The following SOX5 variants were observed in gnomAD, a reference collection of about 807,000 sequenced individuals.
SOX5 encodes the protein SRY-box transcription factor 5.
SOX5 carries 9 observed loss-of-function variants against 92.0 expected under a neutral mutation model. That is an observed-to-expected ratio of 0.10 (90% CI 0.06 to 0.17). The LOEUF (loss-of-function observed/expected upper bound fraction) is 0.17. Among genes scored for constraint, SOX5 ranks in the 10% least tolerant of loss-of-function variants. SOX5 has a pLI of 1.00. For missense variants in SOX5, 642 were observed against 944.5 expected, an observed-to-expected ratio of 0.68 and a Z score of 4.20; for synonymous variants, 344 against 336.3, an observed-to-expected ratio of 1.02 and a Z score of -0.25.
chr12:24,139,284 C>T (rs1176907798), intron 4 of SOX5, among the ~76,000 whole-genome samples: 2 of 152,118 alleles, frequency 1.3e-5, no homozygotes, highest in East Asian at 3.8e-4. Flanking sequence ...AACACGAGCC[C>T]GGCTGTAATG....
rs145737021 is a variant in SOX5 at position 24,349,155 on chromosome 12, C to T, written c.-174+19408G>A. Among the ~76,000 whole-genome samples the T allele has an allele frequency of 6.9e-3, 1,044 of 152,274 alleles. 9 individuals are homozygous for T. Among genetic ancestry groups the T allele is most frequent in the Non-Finnish European group, 0.01 (705 of 68,022 alleles). The stretch of plus-strand genomic sequence containing the variant: ...AGATATTTCGCTCCTTGGCTTTTGA[C>T]GGAGCTGGCTTCTCAGCATGGTTCA... On this transcript the variant is annotated intron_variant, in intron 2 of 4. Coordinates refer to the SOX5 transcript ENST00000446891.
intron 1 of SOX5, among the ~76,000 whole-genome samples, chr12:24,519,355 A>C (rs1179015583): frequency 6.6e-6 from 1 of 152,148 alleles, no homozygotes; most frequent in African/African-American, 2.4e-5. Context: ...TAAATTCAAA[A>C]TAGTAAGGGA....
chr12:24,119,960 C>T (rs866141478), intron 4 of SOX5, among the ~76,000 whole-genome samples: 4 of 152,116 alleles, frequency 2.6e-5, no homozygotes, highest in African/African-American at 7.2e-5. Context: ...GCACTCATTG[C>T]GATGGTTGTT....
At chr12:24,104,933 G>T (rs1946508310) in intron 4 of SOX5, among the ~76,000 whole-genome samples, 1 of 152,162 alleles carries the variant, frequency 6.6e-6, no homozygotes. Flanking sequence ...AGTCCTGTCA[G>T]GTTTGAAATA....
intron 4 of SOX5, among the ~76,000 whole-genome samples, chr12:23,970,444 C>A (rs546112211): frequency 6.6e-6 from 1 of 152,038 alleles, no homozygotes; most frequent in African/African-American, 2.4e-5. Flanking sequence ...AGGAATAACA[C>A]CCCATTCTCT....
At chr12:23,741,951 C>G (rs943258548) in intron 4 of SOX5, among the ~76,000 whole-genome samples, 1 of 152,074 alleles carries the variant, frequency 6.6e-6, no homozygotes, top group Non-Finnish European at 1.5e-5. Flanking sequence ...GAAAAGGAAA[C>G]AGTATCTCTT....
chr12:23,801,693 A>AT (rs1467975128), intron 3 of SOX5, among the ~76,000 whole-genome samples: 1 of 152,052 alleles, frequency 6.6e-6, no homozygotes, highest in African/African-American at 2.4e-5. Context: ...AATCTATTTA[A>AT]TTTTTCAGTT....
chr12:23,543,283 C>A lies in SOX5; in HGVS notation c.1699G>T (p.Ala567Ser). 1 of 1,613,986 alleles carries A rather than the reference C, an allele frequency of 6.2e-7. No homozygotes were observed. Among genetic ancestry groups the A allele is most frequent in the Non-Finnish European group, 8.5e-7 (1 of 1,179,886 alleles). The part of the protein sequence containing the change: ...KRPMNAFMVW[A>S]KDERRKILQA... ...AGGATCTTTCTCCGTTCATCTTTAG[C>A]CCACACCATGAAGGCATTCATTGGA... The change falls in exon 13 of 15, where the codon GCT becomes TCT. Residue 567 changes from alanine to serine, a missense_variant. Coordinates refer to ENST00000451604, the MANE Select transcript of SOX5 (RefSeq NM_006940.6).
intron 3 of SOX5, among the ~76,000 whole-genome samples, chr12:24,246,689 G>T (rs188892809): frequency 6.6e-6 from 1 of 152,046 alleles, no homozygotes; most frequent in African/African-American, 2.4e-5. Context: ...TGAGAAAAAA[G>T]AATCATCACA....
intron 2 of SOX5, among the ~76,000 whole-genome samples, chr12:24,284,432 T>TTGTGTGTG (rs59803171): frequency 0.023 from 3,406 of 149,638 alleles, 57 homozygotes; most frequent in African/African-American, 0.047. Context: ...TTTTTTTTCT[T>TTGTGTGTG]TGTGTGTGTG....
intron 9 of SOX5, among the ~76,000 whole-genome samples, chr12:23,577,137 T>TTA (rs748150313): frequency 0.11 from 14,689 of 129,470 alleles, 1,370 homozygotes; most frequent in East Asian, 0.21. Context: ...GATATCAAGT[T>TTA]TATATATATA....
At chr12:23,890,235 A>C (rs2097114695) in intron 2 of SOX5, among the ~76,000 whole-genome samples, 1 of 151,612 alleles carries the variant, frequency 6.6e-6, no homozygotes, top group Non-Finnish European at 1.5e-5. Context: ...CCAGATAATC[A>C]CTTGAATGTG....
At chr12:24,543,137 G>C (rs1952297562) in intron 1 of SOX5, among the ~76,000 whole-genome samples, 1 of 152,134 alleles carries the variant, frequency 6.6e-6, no homozygotes, top group Non-Finnish European at 1.5e-5. Context: ...GAACAGTCCA[G>C]CTACCACTCA....
At chr12:24,190,554 A>G (rs1956421304) in intron 4 of SOX5, among the ~76,000 whole-genome samples, 1 of 152,224 alleles carries the variant, frequency 6.6e-6, no homozygotes, top group Non-Finnish European at 1.5e-5. Context: ...CTGGGGCTCT[A>G]TGAAGCCTCA....
intron 1 of SOX5, among the ~76,000 whole-genome samples, chr12:24,468,196 G>A (rs1188343409): frequency 6.6e-6 from 1 of 152,176 alleles, no homozygotes; most frequent in Non-Finnish European, 1.5e-5. Context: ...GAGGTAGGGA[G>A]TGTACTGGAT....
chr12:23,565,113 A>G (rs1420234398), intron 10 of SOX5, among the ~76,000 whole-genome samples: 1 of 152,248 alleles, frequency 6.6e-6, no homozygotes, highest in African/African-American at 2.4e-5. Context: ...TATTCAAAGA[A>G]CAAAACATCT....
chr12:23,908,520 A>C (rs2097316909), intron 1 of SOX5, among the ~76,000 whole-genome samples: 1 of 152,046 alleles, frequency 6.6e-6, no homozygotes, highest in East Asian at 1.9e-4. Flanking sequence ...AGCTGTTGAA[A>C]ATGTACAAAG....
intron 2 of SOX5, among the ~76,000 whole-genome samples, chr12:23,853,543 G>GC (rs71445965): frequency 7.7e-6 from 1 of 129,046 alleles, no homozygotes; most frequent in African/African-American, 2.8e-5. Flanking sequence ...TGTCTAACGT[G>GC]TTTTTTTTTT....
rs536986110 is a variant in SOX5 at position 23,812,856 on chromosome 12, A to G, written c.481+33127T>C. 7.2e-4 allele frequency among the ~76,000 whole-genome samples: 110 copies of G among 152,318 alleles called. No homozygotes were observed. In the Middle Eastern group the frequency reaches 0.01, roughly 14 times the overall value. Reference sequence around the variant, plus strand: ...TACACTTTTATTTGAAAGTATCTATATGAAGTATGTCATATGTAAAAAAAG... The same window carrying G: ...TACACTTTTATTTGAAAGTATCTATGTGAAGTATGTCATATGTAAAAAAAG... On this transcript the variant is annotated intron_variant, in intron 3 of 14. Transcript: ENST00000451604.
Sources: gnomAD v4.1 joint callset for allele counts (sites outside exome capture counted in the v4.1 genomes callset) on GRCh38, gnomAD v4.1.1 for gene constraint, MANE v1.5 for transcripts, NCBI Gene and HGNC (gene_info 2026-07-23, HGNC 2026-07-21) for gene names.